The following LUZP2 variants were observed in gnomAD, a reference collection of about 807,000 sequenced individuals.
LUZP2 encodes leucine zipper protein 2.
In LUZP2, 52 loss-of-function variants were observed where a neutral mutation model predicts 51.6. The observed-to-expected ratio is 1.01, with a 90% confidence interval of 0.81 to 1.27. The LOEUF (loss-of-function observed/expected upper bound fraction) is 1.27, where lower values mean the gene tolerates loss of function less well. Among genes scored for constraint, LUZP2 ranks in the 50% most tolerant of loss-of-function variants. The pLI, the probability that LUZP2 is intolerant of heterozygous loss-of-function variation, is 0.00. For missense variants in LUZP2, 436 were observed against 395.4 expected, an observed-to-expected ratio of 1.10 and a Z score of -0.87; for synonymous variants, 154 against 137.3, an observed-to-expected ratio of 1.12 and a Z score of -0.85.
chr11:24,599,292 G>A (rs149687918), intron 1 of LUZP2, among the ~76,000 whole-genome samples: 1 of 152,186 alleles, frequency 6.6e-6, no homozygotes, highest in Non-Finnish European at 1.5e-5. Context: ...AGATCCTCAA[G>A]TGTGAAATGT....
intron 5 of LUZP2, among the ~76,000 whole-genome samples, chr11:24,769,102 G>A (rs1860302723): frequency 6.6e-6 from 1 of 152,140 alleles, no homozygotes; most frequent in Non-Finnish European, 1.5e-5. Context: ...GATGAACCTA[G>A]AGGACATTGT....
chr11:24,503,943 C>T (rs1262035499), intron 1 of LUZP2, among the ~76,000 whole-genome samples: 2 of 149,210 alleles, frequency 1.3e-5, no homozygotes, highest in Middle Eastern at 3.5e-3. Flanking sequence ...AAGGGAATTA[C>T]AGTAATAAGC....
intron 1 of LUZP2, among the ~76,000 whole-genome samples, chr11:24,586,093 A>G (rs1278916496): frequency 1.3e-5 from 2 of 152,236 alleles, no homozygotes; most frequent in South Asian, 2.1e-4. Flanking sequence ...TGGAGATGTA[A>G]AAGAGAGGCC....
intron 9 of LUZP2, among the ~76,000 whole-genome samples, chr11:25,028,937 A>T (rs1234030604): frequency 6.6e-6 from 1 of 152,214 alleles, no homozygotes; most frequent in African/African-American, 2.4e-5. Flanking sequence ...AACAAAAGGC[A>T]ACAAAGAACT....
intron 1 of LUZP2, among the ~76,000 whole-genome samples, chr11:24,568,663 A>G (rs2133794144): frequency 6.6e-6 from 1 of 152,074 alleles, no homozygotes; most frequent in African/African-American, 2.4e-5. Flanking sequence ...CCAGGACGAA[A>G]AGTATTACTC....
chr11:24,920,704 A>C (rs79007568), intron 7 of LUZP2, among the ~76,000 whole-genome samples: 245 of 151,960 alleles, frequency 1.6e-3, no homozygotes, highest in Non-Finnish European at 2.4e-3. Flanking sequence ...AAAAAAAAAA[A>C]CCTGCATGTT....
At position 24,541,758 on chromosome 11, in the gene LUZP2, A is replaced by G. The variant is rs535115684; in HGVS notation, c.62+44453A>G. Among the ~76,000 whole-genome samples the G allele has an allele frequency of 5.9e-5, 9 of 152,246 alleles. No homozygotes were observed. The East Asian group carries it at 1.7e-3, about 29-fold the overall frequency. On this transcript the variant is annotated intron_variant, in intron 1 of 11. Coordinates refer to ENST00000336930, the MANE Select transcript of LUZP2 (RefSeq NM_001009909.4). ...GCCACATAATCTCAGATGTCAAGTG[A>G]TTACTGATAGTACACTGACAAGAAT...
rs1215138274 is a variant in LUZP2 at position 24,566,592 on chromosome 11, G to A, written c.62+69287G>A. ...TATCTATACACATATATATGTATGT[G>A]TGTATATATATATGTATGTATGTAT... On this transcript the variant is annotated intron_variant, in intron 1 of 11. Coordinates refer to ENST00000336930, the MANE Select transcript of LUZP2 (RefSeq NM_001009909.4). 2.7e-3 allele frequency among the ~76,000 whole-genome samples: 361 copies of A among 134,452 alleles called. 3 individuals are homozygous for A. The highest frequency in any genetic ancestry group is 0.01 in the African/African-American group (350 of 34,434). 88.2% of individuals were successfully genotyped at this position (134,452 alleles called of 152,430 possible). A position where few individuals can be genotyped will look rare whatever the true frequency, so the allele number is the denominator to read the frequency against.
chr11:24,983,051 A>T, intron 8 of LUZP2, 75 bp from the exon 9 acceptor site: 1 of 1,447,782 alleles, frequency 6.9e-7, no homozygotes, highest in Non-Finnish European at 9.5e-7. Flanking sequence ...ATAGGCTAAG[A>T]GGAAAGGGAG....
chr11:24,717,545 C>G (rs1209128297), intron 1 of LUZP2, among the ~76,000 whole-genome samples: 1 of 151,084 alleles, frequency 6.6e-6, no homozygotes, highest in African/African-American at 2.4e-5. Context: ...GTAGCTGGGA[C>G]TACAGGTGCC....
rs1431505701 is a variant in LUZP2 at position 24,886,583 on chromosome 11, T to C, written c.397-19408T>C. ...TTTTATAAGAAGAACATTCTTTAAA[T>C]TGTAAGAAGATATCAATTTTAAAAT... On this transcript the variant is annotated intron_variant, in intron 5 of 11. Coordinates refer to ENST00000336930, the MANE Select transcript of LUZP2 (RefSeq NM_001009909.4). 2.6e-5 allele frequency among the ~76,000 whole-genome samples: 4 copies of C among 152,210 alleles called. No individual in the cohort carries two copies. In the East Asian group the frequency reaches 7.7e-4, roughly 29 times the overall value.
chr11:24,709,020 C>A (rs571945775), intron 1 of LUZP2, among the ~76,000 whole-genome samples: 50 of 152,228 alleles, frequency 3.3e-4, no homozygotes, highest in African/African-American at 1.2e-3. Context: ...TGTCATGTTT[C>A]TGAAATGATT....
intron 5 of LUZP2, among the ~76,000 whole-genome samples, chr11:24,849,835 G>A (rs1851331021): frequency 6.6e-6 from 1 of 152,114 alleles, no homozygotes; most frequent in African/African-American, 2.4e-5. Flanking sequence ...GCATGAGATG[G>A]TATCTCATTG....
chr11:25,007,015 C>T (rs991367728), intron 9 of LUZP2, among the ~76,000 whole-genome samples: 2 of 152,152 alleles, frequency 1.3e-5, no homozygotes, highest in African/African-American at 4.8e-5. Flanking sequence ...TTACAGAGTG[C>T]TGATTGGTCT....
intron 1 of LUZP2, among the ~76,000 whole-genome samples, chr11:24,501,039 C>T (rs1252392241): frequency 1.3e-5 from 2 of 152,226 alleles, no homozygotes; most frequent in Admixed American, 6.5e-5. Context: ...GCAGTCTCAC[C>T]TTAACTCTCC....
At chr11:24,943,198 G>A (rs974871881) in intron 7 of LUZP2, among the ~76,000 whole-genome samples, 17 of 152,198 alleles carry the variant, frequency 1.1e-4, no homozygotes, top group African/African-American at 3.1e-4. Context: ...TGGGTTTGCC[G>A]CTGAATAGAG....
chr11:24,895,113 T>A (rs1852996402), intron 5 of LUZP2, among the ~76,000 whole-genome samples: 1 of 152,162 alleles, frequency 6.6e-6, no homozygotes, highest in South Asian at 2.1e-4. Flanking sequence ...TAAAACTCCA[T>A]GACAGATTTT....
intron 1 of LUZP2, among the ~76,000 whole-genome samples, chr11:24,521,807 C>T (rs1174123365): frequency 6.6e-6 from 1 of 151,966 alleles, no homozygotes; most frequent in Non-Finnish European, 1.5e-5. Context: ...CCATTGAATA[C>T]CAGCAATGTT....
intron 5 of LUZP2, among the ~76,000 whole-genome samples, chr11:24,840,361 G>C (rs1245723563): frequency 1.3e-5 from 2 of 151,866 alleles, no homozygotes; most frequent in African/African-American, 2.4e-5. Context: ...ACACGTACCA[G>C]ATGGTTTTTT....
Sources: gnomAD v4.1 joint callset for allele counts (sites outside exome capture counted in the v4.1 genomes callset) on GRCh38, gnomAD v4.1.1 for gene constraint, MANE v1.5 for transcripts, NCBI Gene and HGNC (gene_info 2026-07-23, HGNC 2026-07-21) for gene names.